Variants in MTAP observed in about 807,000 individuals in gnomAD.
MTAP encodes the protein methylthioadenosine phosphorylase, also known as S-methyl-5'-thioadenosine phosphorylase.
A neutral mutation model predicts 33.6 loss-of-function variants in MTAP; 33 were observed. That is an observed-to-expected ratio of 0.98 (90% CI 0.74 to 1.31). The LOEUF is 1.31. MTAP is among the 40% of genes most tolerant of loss of function. The pLI is 0.00. For synonymous variants in MTAP, 148 were observed against 125.7 expected (o/e 1.18, Z -1.19); for missense variants, 367 against 360.0 (o/e 1.02, Z -0.16).
intron 1 of MTAP, among the ~76,000 whole-genome samples, chr9:21,920,399 T>C (rs1270681547): frequency 6.6e-6 from 1 of 152,160 alleles, no homozygotes; most frequent in Non-Finnish European, 1.5e-5. Context: ...CATGTTTTTT[T>C]CCCTCAACCA....
chr9:21,930,440 C>G (rs1042713344), intron 1 of MTAP: 1 of 214,836 alleles, frequency 4.7e-6, no homozygotes, highest in South Asian at 8.9e-5. Context: ...CATCTTTATA[C>G]TCCCTGGCAA....
intron 1 of MTAP, among the ~76,000 whole-genome samples, chr9:21,903,641 C>T (rs1159457314): frequency 6.6e-6 from 1 of 152,032 alleles, no homozygotes; most frequent in Non-Finnish European, 1.5e-5. Flanking sequence ...CATTGCTGCT[C>T]CTGTTCCAGA....
chr9:21,835,963 G>A (rs914811106), intron 4 of MTAP, among the ~76,000 whole-genome samples: 79 of 152,144 alleles, frequency 5.2e-4, no homozygotes, highest in African/African-American at 1.8e-3. Context: ...TATCTTGATA[G>A]TATAGCCCAA....
chr9:21,851,861 C>A (rs1363168712), intron 5 of MTAP, among the ~76,000 whole-genome samples: 1 of 152,134 alleles, frequency 6.6e-6, no homozygotes, highest in Non-Finnish European at 1.5e-5. Flanking sequence ...ATCTTTCTCC[C>A]ATGCTGGATG....
At chr9:21,844,775 C>G (rs1165174429) in intron 5 of MTAP, among the ~76,000 whole-genome samples, 1 of 152,186 alleles carries the variant, frequency 6.6e-6, no homozygotes, top group African/African-American at 2.4e-5. Flanking sequence ...TGGCTCACAC[C>G]TGTAATCCCA....
At chr9:21,857,121 G>A (rs944977361) in intron 6 of MTAP, among the ~76,000 whole-genome samples, 2 of 152,186 alleles carry the variant, frequency 1.3e-5, no homozygotes, top group African/African-American at 2.4e-5. Context: ...GCACCTTGAA[G>A]AGAGGGTTTA....
At chr9:21,802,989 C>CACACACACACACACACAT (rs1824097162) in intron 1 of MTAP, 1 of 426,290 alleles carries the variant, frequency 2.3e-6, no homozygotes, top group Admixed American at 7.2e-5. Flanking sequence ...ACCGCCAACA[C>CACACACACACACACACAT]ACACACACAC....
chr9:21,857,820 C>A (rs1045087330), intron 6 of MTAP, among the ~76,000 whole-genome samples: 3 of 152,114 alleles, frequency 2.0e-5, no homozygotes, highest in African/African-American at 7.2e-5. Context: ...TTAAATTATT[C>A]TTTTGGTTGC....
At chr9:21,926,510 T>C (rs1463344086) in intron 1 of MTAP, among the ~76,000 whole-genome samples, 2 of 152,210 alleles carry the variant, frequency 1.3e-5, no homozygotes, top group Non-Finnish European at 1.5e-5. Flanking sequence ...TGCTTTCTTT[T>C]GTGTCTCCCT....
chr9:21,858,172 C>T (rs756763373), intron 6 of MTAP, among the ~76,000 whole-genome samples: 5 of 152,114 alleles, frequency 3.3e-5, no homozygotes, highest in Admixed American at 2.0e-4. Context: ...TAAGGAGAAA[C>T]GTACCTGTTT....
intron 1 of MTAP, among the ~76,000 whole-genome samples, chr9:21,880,675 A>G (rs1213324716): frequency 6.6e-6 from 1 of 152,126 alleles, no homozygotes; most frequent in Non-Finnish European, 1.5e-5. Flanking sequence ...GGAATACAAT[A>G]CTTAGGAATA....
chr9:21,822,977 C>G (rs552815633), intron 4 of MTAP, among the ~76,000 whole-genome samples: 2 of 152,210 alleles, frequency 1.3e-5, no homozygotes, highest in African/African-American at 2.4e-5. Context: ...TTTCCATTTG[C>G]TTGGTAGATC....
In MTAP at chr9:21,866,746, C is replaced by T. The variant is rs958606332; in HGVS notation, c.*4732C>T. 2 of 152,072 alleles carry T rather than the reference C, an allele frequency of 1.3e-5. No individual in the cohort carries two copies. The highest frequency in any genetic ancestry group is 6.6e-5 in the Admixed American group (1 of 15,256). The allele number at this position is 152,072 out of a possible 1,614,324, so 9.4% of individuals were successfully genotyped here. A position where few individuals can be genotyped will look rare whatever the true frequency, so the allele number is the denominator to read the frequency against. ...TTATAAAGTTTATATTAAGCTTCTC[C>T]ATTTTTCTTTAAGAAAAAATCTGCT... On this transcript the variant is annotated 3_prime_UTR_variant, in exon 8 of 8. Coordinates refer to ENST00000644715, the MANE Select transcript of MTAP (RefSeq NM_002451.4).
intron 5 of MTAP, among the ~76,000 whole-genome samples, chr9:21,849,552 T>C (rs761765098): frequency 2.0e-4 from 30 of 152,204 alleles, no homozygotes; most frequent in Non-Finnish European, 4.1e-4. Flanking sequence ...ACTGGCTCCC[T>C]GACTGGTAAA....
rs1231171785 is a variant in MTAP, at chr9:21,864,340, T to C, written c.*2326T>C. The C allele has an allele frequency of 1.0e-6, 1 of 983,424 alleles. No individual in the cohort carries two copies. Among genetic ancestry groups the C allele is most frequent in the Non-Finnish European group, 1.2e-6 (1 of 829,456 alleles). 60.9% of individuals were successfully genotyped at this position (983,424 alleles called of 1,614,324 possible). On this transcript the variant is annotated 3_prime_UTR_variant, in exon 8 of 8. Transcript: ENST00000644715. ...TTCCTGGAACACTTCTCACTTGTGATGCTGTACTAATTTTTTTTTTTTAAT... is the reference window on the plus strand; with the variant it reads ...TTCCTGGAACACTTCTCACTTGTGACGCTGTACTAATTTTTTTTTTTTAAT...
chr9:21,855,046 AAG>A (rs1189109204), intron 6 of MTAP, among the ~76,000 whole-genome samples, 176 bp downstream of exon 6: 4 of 152,244 alleles, frequency 2.6e-5, no homozygotes, highest in African/African-American at 9.6e-5. Flanking sequence ...AAAGGAAAGA[AAG>A]AGACACTTTT....
intron 1 of MTAP, among the ~76,000 whole-genome samples, chr9:21,808,283 G>A (rs1587193337): frequency 6.6e-6 from 1 of 152,010 alleles, no homozygotes; most frequent in South Asian, 2.1e-4. Context: ...AAATGGAGTG[G>A]CTTAAGACAA....
chr9:21,892,570 T>G (rs548843856), intron 1 of MTAP: 8 of 152,310 alleles, frequency 5.3e-5, no homozygotes, highest in African/African-American at 1.9e-4. Flanking sequence ...GAAGACTTAA[T>G]TATCCTAAAT....
intron 3 of MTAP, among the ~76,000 whole-genome samples, 161 bp downstream of exon 3, chr9:21,816,933 A>G (rs1326599434): frequency 6.6e-6 from 1 of 152,228 alleles, no homozygotes; most frequent in Non-Finnish European, 1.5e-5. Context: ...TGGTTAAGTT[A>G]TATTGACTTA....
Sources: gnomAD v4.1 joint callset for allele counts (sites outside exome capture counted in the v4.1 genomes callset) on GRCh38, gnomAD v4.1.1 for gene constraint, MANE v1.5 for transcripts, NCBI Gene and HGNC (gene_info 2026-07-23, HGNC 2026-07-21) for gene names.